The following PKHD1 variants were observed in gnomAD, a reference collection of about 807,000 sequenced individuals.
The protein encoded by PKHD1 is PKHD1 ciliary IPT domain containing fibrocystin/polyductin.
In PKHD1, 291 loss-of-function variants were observed where a neutral mutation model predicts 412.0. That is an observed-to-expected ratio of 0.71 (90% CI 0.64 to 0.78). The LOEUF is 0.78. PKHD1 is among the 30% of genes least tolerant of loss of function. The pLI is 0.00. For synonymous variants in PKHD1, 1,777 were observed against 1,821.5 expected (o/e 0.98, Z 0.62); for missense variants, 4,825 against 4,950.7 (o/e 0.97, Z 0.76).
At chr6:51,696,831 C>T (rs550606252) in intron 60 of PKHD1, among the ~76,000 whole-genome samples, 2 of 152,180 alleles carry the variant, frequency 1.3e-5, no homozygotes, top group South Asian at 2.1e-4. Flanking sequence ...ACGACCAATC[C>T]TTGAAAATTA....
chr6:51,773,904 G>C (rs1764749747), intron 54 of PKHD1, among the ~76,000 whole-genome samples: 1 of 151,432 alleles, frequency 6.6e-6, no homozygotes, highest in African/African-American at 2.4e-5. Context: ...AACTAAATCA[G>C]GATAAATGGA....
chr6:52,058,771 C>CCCTATCTA lies in PKHD1; in HGVS notation c.1234-171_1234-170insTAGATAGG, dbSNP rs1491323277. ...TGTGGTTATTTATGCTTCTCCAGCT[C>CCCTATCTA]TCTATCTATCTATCTATCTATCTAT... On this transcript the variant is annotated intron_variant, in intron 15 of 66. Coordinates refer to ENST00000371117, the MANE Select transcript of PKHD1 (RefSeq NM_138694.4). 9.5e-4 allele frequency among the ~76,000 whole-genome samples: 142 copies of CCCTATCTA among 149,302 alleles called. 1 individual carries two copies. The highest frequency in any genetic ancestry group is 2.0e-3 in the Admixed American group (30 of 14,958).
chr6:51,907,334 T>G (rs1562590577), intron 40 of PKHD1, among the ~76,000 whole-genome samples: 1 of 152,106 alleles, frequency 6.6e-6, no homozygotes, highest in African/African-American at 2.4e-5. Context: ...CTATCAACAC[T>G]GGATCTCCAC....
rs757200611 is a variant in PKHD1 at position 51,659,258 on chromosome 6, G to A, written c.10868C>T (p.Pro3623Leu). The A allele has an allele frequency of 6.2e-7, 1 of 1,613,818 alleles. No homozygotes were observed. The highest frequency in any genetic ancestry group is 8.5e-7 in the Non-Finnish European group (1 of 1,179,882). The change falls in exon 61 of 67, where the codon CCT becomes CTT. Residue 3623 changes from proline to leucine, a missense_variant. Physicochemically the swap from Pro to Leu is moderately conservative, Grantham distance 98. Coordinates refer to ENST00000371117, the MANE Select transcript of PKHD1 (RefSeq NM_138694.4). ...ATAATGACTAGTGCAAGTCACAGTA[G>A]GGCAATTGCGCTTTCTTTTTGCTCT... ...DSRAKRKRNC[P>L]TVTCTSHYRR... is the part of the protein sequence containing the mutation.
At chr6:51,821,857 T>C (rs1465856179) in intron 52 of PKHD1, among the ~76,000 whole-genome samples, 1 of 152,162 alleles carries the variant, frequency 6.6e-6, no homozygotes, top group Non-Finnish European at 1.5e-5. Context: ...AGGCTAATTT[T>C]TGTATTTTTA....
intron 49 of PKHD1, among the ~76,000 whole-genome samples, chr6:51,852,593 G>A (rs955257054): frequency 1.3e-5 from 2 of 152,120 alleles, no homozygotes; most frequent in South Asian, 2.1e-4. Context: ...TCCTGTATTG[G>A]GGGCATGTAT....
At chr6:52,014,567 T>C (rs964142050) in intron 34 of PKHD1, among the ~76,000 whole-genome samples, 1 of 149,772 alleles carries the variant, frequency 6.7e-6, no homozygotes, top group Non-Finnish European at 1.5e-5. Flanking sequence ...GATAAACAGA[T>C]GGATCATGGA....
intron 35 of PKHD1, among the ~76,000 whole-genome samples, chr6:51,968,440 G>C (rs990815313): frequency 6.6e-6 from 1 of 152,116 alleles, no homozygotes; most frequent in African/African-American, 2.4e-5. Flanking sequence ...AGCTCACTGA[G>C]GGCAAAGAGC....
chr6:51,638,613 A>G (rs970592133), intron 64 of PKHD1, among the ~76,000 whole-genome samples: 4 of 152,180 alleles, frequency 2.6e-5, no homozygotes, highest in Admixed American at 1.3e-4. Flanking sequence ...GTAAACGTCA[A>G]TGTTGAGAAG....
intron 55 of PKHD1, among the ~76,000 whole-genome samples, chr6:51,758,014 AAGAGAGAGAGAGAGAGAG>A (rs10534219): frequency 7.9e-5 from 10 of 126,088 alleles, no homozygotes; most frequent in Non-Finnish European, 1.3e-4. Flanking sequence ...ACCCTGCCAA[AAGAGAGAGAGAGAGAGAG>A]AGAGAGAGAG....
intron 18 of PKHD1, among the ~76,000 whole-genome samples, chr6:52,056,487 T>A (rs1236444042): frequency 6.6e-6 from 1 of 152,026 alleles, no homozygotes; most frequent in East Asian, 1.9e-4. Context: ...CCAGGAGGAA[T>A]GCCTTTCCTT....
chr6:51,936,844 TG>T (rs1787572621), intron 36 of PKHD1, among the ~76,000 whole-genome samples: 1 of 152,072 alleles, frequency 6.6e-6, no homozygotes, highest in African/African-American at 2.4e-5. Context: ...CAGCACCACA[TG>T]ACAGATAGCC....
chr6:52,014,628 G>A (rs1349980103), intron 34 of PKHD1, among the ~76,000 whole-genome samples: 1 of 150,772 alleles, frequency 6.6e-6, no homozygotes, highest in East Asian at 2.0e-4. Flanking sequence ...CTGGATAAAT[G>A]GATGGATCAT....
chr6:51,742,090 G>A (rs573757228), intron 60 of PKHD1, among the ~76,000 whole-genome samples: 4 of 152,280 alleles, frequency 2.6e-5, no homozygotes, highest in African/African-American at 9.6e-5. Context: ...GGGGTAAATA[G>A]GAGGGTAACC....
intron 47 of PKHD1, among the ~76,000 whole-genome samples, chr6:51,868,370 C>A (rs1312388277): frequency 6.6e-6 from 1 of 152,078 alleles, no homozygotes; most frequent in Admixed American, 6.6e-5. Context: ...CATTGTAGGG[C>A]AGTGATTTTT....
chr6:51,795,863 G>T (rs1794511224), intron 52 of PKHD1, among the ~76,000 whole-genome samples: 1 of 152,116 alleles, frequency 6.6e-6, no homozygotes, highest in South Asian at 2.1e-4. Context: ...GCATTCCAGG[G>T]ACGAAGACTA....
At chr6:51,667,795 A>T (rs1300829463) in intron 60 of PKHD1, among the ~76,000 whole-genome samples, 2 of 150,544 alleles carry the variant, frequency 1.3e-5, no homozygotes, top group African/African-American at 2.5e-5. Context: ...CCATTTATTA[A>T]ATAGGGAATC....
rs1807140226 is a variant in PKHD1, at chr6:52,053,140, A to T, written c.2076T>A (p.Pro692=). The T allele has an allele frequency of 6.2e-7, 1 of 1,614,168 alleles. No individual in the cohort carries two copies. Among genetic ancestry groups the T allele is most frequent in the Non-Finnish European group, 8.5e-7 (1 of 1,179,986 alleles). ...PVLVHQINLL[P]LAQETGLFYV... ...AGAACAGGCCCGTCTCCTGGGCCAG[A>T]GGGAGAAGGTTGATCTGATGAACCA... The change falls in exon 21 of 67, where the codon CCT becomes CCA. Residue 692 remains proline, a synonymous_variant. Transcript: ENST00000371117.
At chr6:51,719,116 A>AAATG in intron 60 of PKHD1, among the ~76,000 whole-genome samples, 1 of 128,610 alleles carries the variant, frequency 7.8e-6, no homozygotes, top group Non-Finnish European at 1.7e-5. Context: ...ATATATAAAT[A>AAATG]TATTTAGTTT....
Sources: gnomAD v4.1 joint callset for allele counts (sites outside exome capture counted in the v4.1 genomes callset) on GRCh38, gnomAD v4.1.1 for gene constraint, MANE v1.5 for transcripts, NCBI Gene and HGNC (gene_info 2026-07-23, HGNC 2026-07-21) for gene names.